TG: variants seen among roughly 807,000 people sequenced by gnomAD.
TG encodes the protein thyroid hormones.
Under a neutral mutation model 324.7 loss-of-function variants are expected in TG, and 270 were observed. The observed-to-expected ratio is 0.83, with a 90% CI of 0.75 to 0.92. The LOEUF (loss-of-function observed/expected upper bound fraction) is 0.92, where lower values mean the gene tolerates loss of function less well. TG is among the 40% of genes least tolerant of loss of function. The pLI, the probability that TG is intolerant of heterozygous loss-of-function variation, is 0.00. For missense variants in TG, 3,591 were observed against 3,456.4 expected (o/e 1.04, Z -0.98); for synonymous variants, 1,401 against 1,327.0 (o/e 1.06, Z -1.21).
intron 45 of TG, among the ~76,000 whole-genome samples, chr8:133,124,652 T>A (rs1433822867): frequency 6.6e-6 from 1 of 152,216 alleles, no homozygotes; most frequent in Non-Finnish European, 1.5e-5. Flanking sequence ...AGATGTTCAA[T>A]GTTAGGTAGC....
chr8:133,132,433 T>A (rs572910159), intron 46 of TG, among the ~76,000 whole-genome samples: 2 of 152,204 alleles, frequency 1.3e-5, no homozygotes, highest in Non-Finnish European at 2.9e-5. Flanking sequence ...TCAGCTTAAG[T>A]TGAAATGCTC....
chr8:133,112,192 TCATTGATGGAATTCTAATCA>T (rs966295643), intron 43 of TG, among the ~76,000 whole-genome samples: 2 of 152,260 alleles, frequency 1.3e-5, no homozygotes, highest in African/African-American at 2.4e-5. Flanking sequence ...GAGGGATTGC[TCATTGATGGAATTCTAATCA>T]CATTGATGGA....
At chr8:133,062,416 G>A (rs796484552) in intron 41 of TG, among the ~76,000 whole-genome samples, 13 of 152,370 alleles carry the variant, frequency 8.5e-5, no homozygotes, top group African/African-American at 2.9e-4. Context: ...AACACAGCAG[G>A]TGGCGTGACT....
intron 26 of TG, among the ~76,000 whole-genome samples, chr8:132,947,545 A>C (rs1825495696): frequency 6.6e-6 from 1 of 152,178 alleles, no homozygotes; most frequent in African/African-American, 2.4e-5. Flanking sequence ...GAAATTTTGG[A>C]GATAGAATTG....
chr8:132,978,693 T>C (rs1194571462), intron 34 of TG, among the ~76,000 whole-genome samples: 1 of 151,524 alleles, frequency 6.6e-6, no homozygotes, highest in East Asian at 1.9e-4. Flanking sequence ...GAAAGGGAAG[T>C]GGGGTGAAGG....
intron 27 of TG, among the ~76,000 whole-genome samples, chr8:132,959,588 T>C (rs1408021459): frequency 1.3e-5 from 2 of 152,142 alleles, no homozygotes; most frequent in Admixed American, 1.3e-4. Flanking sequence ...AACAACAAAA[T>C]TGCATTTCTC....
At chr8:132,902,386 A>T (rs762769422) in intron 16 of TG, among the ~76,000 whole-genome samples, 12 of 151,996 alleles carry the variant, frequency 7.9e-5, no homozygotes, top group Non-Finnish European at 1.8e-4. Flanking sequence ...TTGTAAAGAG[A>T]TGGGAGGAGC....
intron 2 of TG, 117 bp downstream of exon 2, chr8:132,868,340 G>C (rs1026185967): frequency 1.0e-6 from 1 of 962,600 alleles, no homozygotes; most frequent in Admixed American, 2.0e-5. Context: ...GTGAGGCTTG[G>C]CCACTGTCAT....
rs928601299 is a variant in TG at position 132,983,243 on chromosome 8, C to T, written c.6200-107C>T. 7.9e-6 allele frequency: 10 copies of T among 1,262,626 alleles called. No individual in the cohort carries two copies. The Admixed American group carries it at 1.0e-4, about 13-fold the overall frequency. 78.2% of individuals were successfully genotyped at this position (1,262,626 alleles called of 1,614,324 possible). A position where few individuals can be genotyped will look rare whatever the true frequency, so the allele number is the denominator to read the frequency against. On this transcript the variant is annotated intron_variant, in intron 34 of 47. Coordinates refer to ENST00000220616, the MANE Select transcript of TG (RefSeq NM_003235.5). The stretch of plus-strand genomic sequence containing the variant: ...CAGGTTGGGACAATCTGTCTGCCTT[C>T]CAAGTCCAATTTTACAATCACCATC...
chr8:133,111,633 G>T (rs576517434), intron 43 of TG, among the ~76,000 whole-genome samples: 1 of 152,332 alleles, frequency 6.6e-6, no homozygotes, highest in South Asian at 2.1e-4. Flanking sequence ...GTTGTAGATG[G>T]TAAGAGTATG....
At chr8:133,109,167 C>T (rs1442452045) in intron 43 of TG, among the ~76,000 whole-genome samples, 2 of 152,138 alleles carry the variant, frequency 1.3e-5, no homozygotes, top group African/African-American at 4.8e-5. Flanking sequence ...GAGGTGAGCC[C>T]TGAGCAAAAC....
chr8:132,998,864 T>C (rs1833152780), intron 35 of TG, among the ~76,000 whole-genome samples: 1 of 152,124 alleles, frequency 6.6e-6, no homozygotes, highest in South Asian at 2.1e-4. Context: ...GACAAGAAAC[T>C]GAGACCAGAG....
intron 12 of TG, 26 bp from the exon 13 acceptor site, chr8:132,898,143 A>G (rs16904782): frequency 0.096 from 151,286 of 1,579,844 alleles, 8,854 homozygotes; most frequent in African/African-American, 0.25. Flanking sequence ...CAATTCCTGA[A>G]TGTTCTCCCC....
intron 20 of TG, among the ~76,000 whole-genome samples, chr8:132,915,626 C>T (rs1050042327): frequency 1.3e-5 from 2 of 152,186 alleles, no homozygotes; most frequent in Non-Finnish European, 2.9e-5. Context: ...TGTAAAGGGC[C>T]AGATGGCGAT....
Position 132,882,588 on chromosome 8 carries a change from T to C in TG, c.865T>C (p.Ser289Pro). 2 of 1,614,224 alleles carry C rather than the reference T, an allele frequency of 1.2e-6. No homozygotes were observed. Among genetic ancestry groups the C allele is most frequent in the Non-Finnish European group, 1.7e-6 (2 of 1,180,044 alleles). The change falls in exon 7 of 48, where the codon TCA becomes CCA. Residue 289 changes from serine to proline, a missense_variant. Ser to Pro is a moderately conservative substitution (Grantham distance 74, BLOSUM62 -1). Transcript: ENST00000220616. ...GCAGAGACGGTTCCTCGCAGTTCAA[T>C]CAGTCATCTCTGGCAGATTCCGATG... ...ILQRRFLAVQ[S>P]VISGRFRCPT... is the part of the protein sequence containing the mutation.
intron 33 of TG, chr8:132,972,329 G>A: frequency 1.8e-6 from 1 of 541,268 alleles, no homozygotes; most frequent in East Asian, 3.2e-5. Flanking sequence ...TGAGGACCAA[G>A]TGAAGTGATA....
intron 29 of TG, chr8:132,964,650 T>A: frequency 2.1e-6 from 1 of 476,992 alleles, no homozygotes; most frequent in Non-Finnish European, 3.7e-6. Flanking sequence ...AAATAGGAAA[T>A]GGCTTAATCT....
chr8:133,033,865 A>G (rs370452215), intron 41 of TG, among the ~76,000 whole-genome samples: 17 of 152,246 alleles, frequency 1.1e-4, no homozygotes, highest in East Asian at 9.6e-4. Context: ...TTATTTTTCT[A>G]ACATCTCTCA....
chr8:133,087,439 G>A lies in TG; in HGVS notation c.7240-7605G>A, dbSNP rs543435679. 1.2e-4 allele frequency among the ~76,000 whole-genome samples: 19 copies of A among 152,178 alleles called. 1 individual carries two copies. The highest frequency in any genetic ancestry group is 1.0e-3 in the South Asian group (5 of 4,820). ...CAGAACCACCTCCTTCCTCCCTCGGGGTGTGAGGGGACTCATTTCTCTCCC... is the reference window on the plus strand; with the variant it reads ...CAGAACCACCTCCTTCCTCCCTCGGAGTGTGAGGGGACTCATTTCTCTCCC... On this transcript the variant is annotated intron_variant, in intron 41 of 47. Transcript: ENST00000220616.
Sources: allele counts gnomAD v4.1 joint callset (sites outside exome capture counted in the v4.1 genomes callset), GRCh38; gene constraint gnomAD v4.1.1; transcripts MANE v1.5; gene names NCBI Gene and HGNC (gene_info 2026-07-23, HGNC 2026-07-21).